MAP2K6: variants seen among roughly 807,000 people sequenced by gnomAD.
The protein encoded by MAP2K6 is mitogen-activated protein kinase kinase 6.
In MAP2K6, 16 loss-of-function variants were observed where a neutral mutation model predicts 53.7. The observed-to-expected ratio is 0.30, with a 90% CI of 0.20 to 0.45. The LOEUF is 0.45. Among genes scored for constraint, MAP2K6 ranks in the 20% least tolerant of loss-of-function variants. MAP2K6 has a pLI of 1.00. For synonymous variants in MAP2K6, 132 were observed against 143.1 expected (o/e 0.92, Z 0.55); for missense variants, 204 against 411.9 (o/e 0.50, Z 4.37).
intron 1 of MAP2K6, among the ~76,000 whole-genome samples, chr17:69,483,558 A>T (rs1408053299): frequency 6.6e-6 from 1 of 152,096 alleles, no homozygotes; most frequent in African/African-American, 2.4e-5. Flanking sequence ...TGCAATTCTC[A>T]TGAGAATTTC....
At chr17:69,419,673 T>C (rs1159670844) in intron 1 of MAP2K6, among the ~76,000 whole-genome samples, 1 of 152,156 alleles carries the variant, frequency 6.6e-6, no homozygotes, top group Non-Finnish European at 1.5e-5. Flanking sequence ...CTCATGCCTG[T>C]AACCCCACTT....
intron 11 of MAP2K6, among the ~76,000 whole-genome samples, chr17:69,538,738 T>C (rs1439848453): frequency 1.3e-5 from 2 of 152,254 alleles, no homozygotes; most frequent in South Asian, 2.1e-4. Flanking sequence ...TTTAAGATCA[T>C]GTCATTTGCT....
chr17:69,449,804 G>C (rs1457557395), intron 1 of MAP2K6, among the ~76,000 whole-genome samples: 1 of 150,312 alleles, frequency 6.7e-6, no homozygotes, highest in South Asian at 2.1e-4. Context: ...TAGTAGAGAC[G>C]GGGTTTCACC....
chr17:69,449,637 C>T (rs1246273958), intron 1 of MAP2K6, among the ~76,000 whole-genome samples: 2 of 76,252 alleles, frequency 2.6e-5, no homozygotes, highest in African/African-American at 9.9e-5. Flanking sequence ...TTTTTTGAGA[C>T]GGAGTCTCGC....
At chr17:69,538,930 G>T (rs1911485260) in intron 11 of MAP2K6, among the ~76,000 whole-genome samples, 1 of 151,700 alleles carries the variant, frequency 6.6e-6, no homozygotes, top group African/African-American at 2.4e-5. Flanking sequence ...TATCCGATGT[G>T]TTAAAAAAAA....
intron 1 of MAP2K6, among the ~76,000 whole-genome samples, chr17:69,429,591 G>GTA (rs1263706683): frequency 1.3e-5 from 2 of 152,138 alleles, no homozygotes; most frequent in Non-Finnish European, 2.9e-5. Context: ...TCAACTATGT[G>GTA]TATATTTCCT....
intron 11 of MAP2K6, among the ~76,000 whole-genome samples, chr17:69,540,452 A>G (rs1911559487): frequency 6.6e-6 from 1 of 152,188 alleles, no homozygotes; most frequent in South Asian, 2.1e-4. Context: ...TTTCCACTAT[A>G]AGAACTGTGG....
At chr17:69,507,208 C>T (rs917595202) in intron 2 of MAP2K6, among the ~76,000 whole-genome samples, 5 of 152,138 alleles carry the variant, frequency 3.3e-5, no homozygotes, top group South Asian at 2.1e-4. Context: ...TTCCCCAGGC[C>T]ATGCCAAACT....
In MAP2K6 at chr17:69,544,709, G is replaced by A. The variant is rs922380133; in HGVS notation, c.*2956G>A. 1.3e-5 allele frequency: 2 copies of A among 152,004 alleles called. No individual in the cohort carries two copies. The highest frequency in any genetic ancestry group is 2.9e-5 in the Non-Finnish European group (2 of 67,998). 9.4% of individuals were successfully genotyped at this position (152,004 alleles called of 1,614,324 possible). On this transcript the variant is annotated 3_prime_UTR_variant, in exon 12 of 12. Transcript: ENST00000590474. The stretch of plus-strand genomic sequence containing the variant: ...AATAGCCATCTTTTTTGATATTATT[G>A]GTTTAAGAGGTGTGCCAAAAAAAGT...
intron 1 of MAP2K6, among the ~76,000 whole-genome samples, chr17:69,429,189 G>A (rs1354021373): frequency 6.6e-6 from 1 of 151,580 alleles, no homozygotes; most frequent in Non-Finnish European, 1.5e-5. Context: ...GTAAACCCCA[G>A]TCAGGCTGGA....
At chr17:69,463,315 TA>T (rs1907683718) in intron 1 of MAP2K6, among the ~76,000 whole-genome samples, 3 of 150,150 alleles carry the variant, frequency 2.0e-5, no homozygotes, top group Non-Finnish European at 4.4e-5. Flanking sequence ...TGTATATATA[TA>T]TCACTATATA....
At position 69,499,349 on chromosome 17, in the gene MAP2K6, C is replaced by T. The variant is rs185642696; in HGVS notation, c.17-6431C>T. Among the ~76,000 whole-genome samples the T allele has an allele frequency of 1.2e-4, 18 of 152,312 alleles. No individual in the cohort carries two copies. In the East Asian group the frequency reaches 3.5e-3, roughly 29 times the overall value. On this transcript the variant is annotated intron_variant, in intron 1 of 11. Transcript: ENST00000590474. ...GTATTTATTGAGCACCTATATTATG[C>T]TACACCCTGCTAGGCTTCTTCACAC... is the stretch of plus-strand genomic sequence containing the variant.
intron 1 of MAP2K6, 46 bp from the exon 2 acceptor site, chr17:69,505,734 T>G (rs779805970): frequency 2.7e-6 from 4 of 1,468,352 alleles, no homozygotes. Flanking sequence ...TCTGCTATCT[T>G]GCTATGATTT....
intron 2 of MAP2K6, among the ~76,000 whole-genome samples, chr17:69,510,807 T>TG (rs1909771393): frequency 6.6e-6 from 1 of 152,070 alleles, no homozygotes; most frequent in Non-Finnish European, 1.5e-5. Flanking sequence ...CATCCTTTTT[T>TG]TTTTTCCCTG....
chr17:69,421,569 C>T (rs1156809869), intron 1 of MAP2K6, among the ~76,000 whole-genome samples: 2 of 149,674 alleles, frequency 1.3e-5, no homozygotes, highest in Non-Finnish European at 3.0e-5. Context: ...GACAGAGTCT[C>T]GCTCTGTCAC....
At chr17:69,485,323 G>T (rs184620266) in intron 1 of MAP2K6, 223 of 190,130 alleles carry the variant, frequency 1.2e-3, no homozygotes, top group African/African-American at 4.0e-3. Context: ...CAGGTTTTAG[G>T]ATGAGCAACT....
chr17:69,451,109 G>A (rs1823673108), intron 1 of MAP2K6, among the ~76,000 whole-genome samples: 1 of 152,232 alleles, frequency 6.6e-6, no homozygotes, highest in African/African-American at 2.4e-5. Context: ...AGATTTGCAA[G>A]AATTTGTCAT....
At chr17:69,492,334 A>G (rs1908782427) in intron 1 of MAP2K6, among the ~76,000 whole-genome samples, 1 of 152,122 alleles carries the variant, frequency 6.6e-6, no homozygotes, top group Non-Finnish European at 1.5e-5. Context: ...CGTATATGGT[A>G]TAAGGAAGGG....
intron 9 of MAP2K6, among the ~76,000 whole-genome samples, chr17:69,526,020 A>G (rs1283304742): frequency 1.3e-5 from 2 of 152,214 alleles, no homozygotes; most frequent in Non-Finnish European, 2.9e-5. Flanking sequence ...CTCCCCAGGC[A>G]CAGCAGCTGA....
Sources: allele counts gnomAD v4.1 joint callset (sites outside exome capture counted in the v4.1 genomes callset), GRCh38; gene constraint gnomAD v4.1.1; transcripts MANE v1.5; gene names NCBI Gene and HGNC (gene_info 2026-07-23, HGNC 2026-07-21).